MYO10: variants seen among roughly 807,000 people sequenced by gnomAD.
MYO10 encodes the protein myosin X.
Under a neutral mutation model 257.3 loss-of-function variants are expected in MYO10, and 133 were observed. The observed-to-expected ratio is 0.52, with a 90% confidence interval of 0.45 to 0.60. The LOEUF is 0.60. Ranked by LOEUF, MYO10 falls within the 20% of genes least tolerant of loss-of-function variation. MYO10 has a pLI of 0.00. For synonymous variants in MYO10, 1,104 were observed against 1,028.6 expected (o/e 1.07, Z -1.40); for missense variants, 2,399 against 2,635.7 (o/e 0.91, Z 1.97).
At chr5:16,802,939 CAAA>C (rs34168458) in intron 3 of MYO10, among the ~76,000 whole-genome samples, 1 of 137,866 alleles carries the variant, frequency 7.3e-6, no homozygotes, top group African/African-American at 2.7e-5. Context: ...TCCTCTCTCT[CAAA>C]AAAAAAAAAA....
chr5:16,814,641 G>C (rs1447187697), intron 3 of MYO10: 5 of 152,188 alleles, frequency 3.3e-5, no homozygotes, highest in Non-Finnish European at 7.3e-5. Flanking sequence ...TTGTCTCGAT[G>C]TGAGCGGAGT....
intron 1 of MYO10, among the ~76,000 whole-genome samples, chr5:16,924,711 A>G (rs1038465557): frequency 3.9e-5 from 6 of 152,346 alleles, no homozygotes; most frequent in Admixed American, 3.9e-4. Flanking sequence ...TGGCAAAAAA[A>G]TAAGTAAATA....
rs796474728 is a variant in MYO10 at position 16,677,416 on chromosome 5, C to CTTTTTTTTTTTTTTTT, written c.4543-1278_4543-1263dup. 2.3e-3 allele frequency among the ~76,000 whole-genome samples: 269 copies of CTTTTTTTTTTTTTTTT among 119,314 alleles called. 10 individuals are homozygous for CTTTTTTTTTTTTTTTT. Among genetic ancestry groups the CTTTTTTTTTTTTTTTT allele is most frequent in the East Asian group, 7.0e-3 (30 of 4,256 alleles). 78.3% of individuals were successfully genotyped at this position (119,314 alleles called of 152,430 possible). On this transcript the variant is annotated intron_variant, in intron 33 of 40. Coordinates refer to ENST00000513610, the MANE Select transcript of MYO10 (RefSeq NM_012334.3). ...ATGGACTTATTTAGGGTAACTTGAC[C>CTTTTTTTTTTTTTTTT]TTTTTTTTTTTTTTTTTGAGACGGA...
chr5:16,673,908 CTG>C lies in MYO10; in HGVS notation c.4965-21_4965-20del. ...CCGTATCCTAGGAGGCAAACACTAA[CTG>C]TTAATTTTTAGACTGATGGGGGCTG... On this transcript the variant is annotated intron_variant, in intron 35 of 40. Transcript: ENST00000513610. The C allele has an allele frequency of 1.9e-6, 3 of 1,611,202 alleles. No individual in the cohort carries two copies. The highest frequency in any genetic ancestry group is 2.2e-5 in the East Asian group (1 of 44,866).
At chr5:16,747,219 G>A (rs962376239) in intron 19 of MYO10, among the ~76,000 whole-genome samples, 4 of 152,106 alleles carry the variant, frequency 2.6e-5, no homozygotes, top group Non-Finnish European at 5.9e-5. Context: ...TAAAAAGATT[G>A]ATACACATTA....
At chr5:16,782,674 G>A (rs2126670509) in intron 5 of MYO10, among the ~76,000 whole-genome samples, 1 of 152,222 alleles carries the variant, frequency 6.6e-6, no homozygotes, top group East Asian at 1.9e-4. Context: ...GCCGACCCCT[G>A]GACAAATCTC....
chr5:16,907,817 A>G (rs1745556691), intron 1 of MYO10, among the ~76,000 whole-genome samples: 1 of 152,254 alleles, frequency 6.6e-6, no homozygotes, highest in South Asian at 2.1e-4. Context: ...AGGGTGGGTA[A>G]AGGATACATT....
chr5:16,905,557 G>A (rs1343101831), intron 1 of MYO10, among the ~76,000 whole-genome samples: 1 of 152,102 alleles, frequency 6.6e-6, no homozygotes, highest in Non-Finnish European at 1.5e-5. Context: ...CAGCCAGCCA[G>A]GGCAATGAGT....
chr5:16,884,733 A>C (rs567336774), intron 1 of MYO10, among the ~76,000 whole-genome samples: 1 of 124,294 alleles, frequency 8.0e-6, no homozygotes, highest in African/African-American at 2.9e-5. Context: ...TCTGATTCTT[A>C]TTACTCAAAG....
chr5:16,679,011 GC>G (rs574657128), intron 33 of MYO10, among the ~76,000 whole-genome samples: 16 of 152,194 alleles, frequency 1.1e-4, no homozygotes, highest in Non-Finnish European at 1.6e-4. Flanking sequence ...GCTCAGGGCT[GC>G]CATGCAACCA....
intron 4 of MYO10, among the ~76,000 whole-genome samples, chr5:16,792,747 C>A (rs1741809370): frequency 6.6e-6 from 1 of 152,174 alleles, no homozygotes; most frequent in Non-Finnish European, 1.5e-5. Context: ...TTCGGGGCTG[C>A]AGTGCTCACA....
intron 3 of MYO10, among the ~76,000 whole-genome samples, chr5:16,805,610 C>G (rs997343527): frequency 3.9e-5 from 6 of 152,310 alleles, no homozygotes; most frequent in Non-Finnish European, 5.9e-5. Flanking sequence ...CAGTTTAAGA[C>G]TGTGGACACA....
intron 2 of MYO10, among the ~76,000 whole-genome samples, chr5:16,819,636 A>G (rs1177319021): frequency 6.6e-6 from 1 of 152,210 alleles, no homozygotes; most frequent in Non-Finnish European, 1.5e-5. Context: ...GCATGTGTGC[A>G]CACAAAACAA....
Position 16,710,917 on chromosome 5 carries a change from C to A in MYO10, c.2160G>T (p.Gly720=). The change falls in exon 21 of 41, where the codon GGG becomes GGT. Residue 720 remains glycine, a synonymous_variant. Transcript: ENST00000513610. ...TTTCTCCGCATCGTACCTTGGTCTT[C>A]CCCAGCTGCCACTCGCTGTTGGAGG... The part of the protein sequence containing the change: ...YDASNSEWQL[G]KTKVFLRESL... 1 of 1,613,370 alleles carries A rather than the reference C, an allele frequency of 6.2e-7. No individual in the cohort carries two copies. Among genetic ancestry groups the A allele is most frequent in the Non-Finnish European group, 8.5e-7 (1 of 1,179,738 alleles).
intron 9 of MYO10, among the ~76,000 whole-genome samples, chr5:16,773,916 T>C (rs1425261008): frequency 6.6e-6 from 1 of 152,214 alleles, no homozygotes; most frequent in African/African-American, 2.4e-5. Context: ...GGCAACTGCA[T>C]TAATCATAAC....
At chr5:16,695,913 AT>A (rs1331976011) in intron 26 of MYO10, among the ~76,000 whole-genome samples, 1 of 152,268 alleles carries the variant, frequency 6.6e-6, no homozygotes, top group African/African-American at 2.4e-5. Context: ...ATCTTTGGTA[AT>A]TGTGCCAAGC....
Position 16,746,596 on chromosome 5 carries a change from C to T in MYO10, c.1929+8232G>A, listed in dbSNP as rs144096959. Among the ~76,000 whole-genome samples the T allele has an allele frequency of 4.7e-4, 71 of 152,222 alleles. 3 individuals carry two copies. The East Asian group carries it at 0.013, about 28-fold the overall frequency. Reference sequence around the variant, plus strand: ...ACATCAAGTCCAGCTGTCTTTTAAGCGGAGTTGAAATATCACACTACAGAT... The same window carrying T: ...ACATCAAGTCCAGCTGTCTTTTAAGTGGAGTTGAAATATCACACTACAGAT... On this transcript the variant is annotated intron_variant, in intron 19 of 40. Coordinates refer to ENST00000513610, the MANE Select transcript of MYO10 (RefSeq NM_012334.3).
chr5:16,731,591 CG>C (rs1276022710), intron 19 of MYO10, among the ~76,000 whole-genome samples: 1 of 152,064 alleles, frequency 6.6e-6, no homozygotes, highest in Admixed American at 6.6e-5. Flanking sequence ...TCAAGCAATT[CG>C]CCCACCTTGG....
chr5:16,887,962 G>C (rs1320025168), intron 1 of MYO10, among the ~76,000 whole-genome samples: 4 of 152,166 alleles, frequency 2.6e-5, no homozygotes, highest in Non-Finnish European at 4.4e-5. Context: ...AACATTGTAG[G>C]AATGTGACGA....
Sources: gnomAD v4.1 joint callset for allele counts (sites outside exome capture counted in the v4.1 genomes callset) on GRCh38, gnomAD v4.1.1 for gene constraint, MANE v1.5 for transcripts, NCBI Gene and HGNC (gene_info 2026-07-23, HGNC 2026-07-21) for gene names.